The following LINGO2 variants were observed in gnomAD, a reference collection of about 807,000 sequenced individuals.
LINGO2 encodes leucine-rich repeat and immunoglobulin-like domain-containing nogo receptor-interacting protein 2.
A neutral mutation model predicts 30.6 loss-of-function variants in LINGO2; 14 were observed. That is an observed-to-expected ratio of 0.46 (90% CI 0.30 to 0.72). The LOEUF is 0.72. Ranked by LOEUF, LINGO2 falls within the 30% of genes least tolerant of loss-of-function variation. LINGO2 has a pLI of 0.07. For missense variants in LINGO2, 729 were observed against 751.7 expected, an observed-to-expected ratio of 0.97 and a Z score of 0.35; for synonymous variants, 317 against 288.5, an observed-to-expected ratio of 1.10 and a Z score of -1.00.
the LINGO2 span, among the ~76,000 whole-genome samples, chr9:29,182,042 G>A: frequency 1.3e-5 from 2 of 152,064 alleles, no homozygotes; most frequent in East Asian, 1.9e-4. Flanking sequence ...CCCTGAGTGC[G>A]CCCACCTATG....
intron 1 of LINGO2, among the ~76,000 whole-genome samples, chr9:28,657,370 C>G (rs191380984): frequency 1.4e-4 from 21 of 152,096 alleles, no homozygotes; most frequent in Admixed American, 5.3e-4. Context: ...GTGCAGTCAT[C>G]TACTCCGGGC....
intron 2 of LINGO2, among the ~76,000 whole-genome samples, chr9:28,405,748 T>C (rs1587624907): frequency 6.6e-6 from 1 of 152,178 alleles, no homozygotes; most frequent in Non-Finnish European, 1.5e-5. Context: ...TTTCCAGACA[T>C]TGGTGTCAGG....
intron 4 of LINGO2, among the ~76,000 whole-genome samples, chr9:28,031,863 A>G (rs193202061): frequency 3.4e-4 from 52 of 152,276 alleles, no homozygotes; most frequent in East Asian, 2.9e-3. Context: ...GTTGGGTAAA[A>G]CCACGCTTCA....
At chr9:28,441,994 T>G (rs368108513) in intron 2 of LINGO2, among the ~76,000 whole-genome samples, 2 of 152,164 alleles carry the variant, frequency 1.3e-5, no homozygotes, top group Non-Finnish European at 2.9e-5. Flanking sequence ...ATCTTTTTAT[T>G]ATTATATTTT....
intron 4 of LINGO2, among the ~76,000 whole-genome samples, chr9:28,132,783 A>G (rs942473356): frequency 2.4e-4 from 36 of 152,210 alleles, no homozygotes; most frequent in African/African-American, 8.0e-4. Flanking sequence ...AGAGCATTTT[A>G]TGCTCTTTCT....
At chr9:28,812,341 T>C in the LINGO2 span, among the ~76,000 whole-genome samples, 8 of 152,272 alleles carry the variant, frequency 5.3e-5, no homozygotes, top group South Asian at 1.2e-3. Flanking sequence ...TATTAATAAA[T>C]GTATCTAAAT....
chr9:29,105,635 T>G, the LINGO2 span, among the ~76,000 whole-genome samples: 1 of 152,306 alleles, frequency 6.6e-6, no homozygotes, highest in Non-Finnish European at 1.5e-5. Context: ...ACCAATCAAC[T>G]GATTTTGAGC....
chr9:28,627,430 C>A (rs1220287913), intron 1 of LINGO2, among the ~76,000 whole-genome samples: 6 of 152,016 alleles, frequency 3.9e-5, no homozygotes, highest in Admixed American at 3.9e-4. Context: ...ATCTGCTCTG[C>A]AAATTCTACC....
intron 2 of LINGO2, among the ~76,000 whole-genome samples, chr9:28,424,627 A>G (rs1823331240): frequency 6.6e-6 from 1 of 152,204 alleles, no homozygotes; most frequent in African/African-American, 2.4e-5. Context: ...ATAGTTAATT[A>G]ACATGTAAGC....
chr9:28,905,851 T>G, the LINGO2 span, among the ~76,000 whole-genome samples: 1 of 152,068 alleles, frequency 6.6e-6, no homozygotes, highest in Non-Finnish European at 1.5e-5. Context: ...AAGAGATATC[T>G]GCACGCCCAT....
At chr9:28,647,107 T>TACTG (rs1223543442) in intron 1 of LINGO2, among the ~76,000 whole-genome samples, 1 of 152,130 alleles carries the variant, frequency 6.6e-6, no homozygotes, top group East Asian at 1.9e-4. Flanking sequence ...CTGCTGCCTC[T>TACTG]ACTGCTACTG....
intron 1 of LINGO2, among the ~76,000 whole-genome samples, chr9:28,647,974 A>T (rs1827917957): frequency 6.6e-6 from 1 of 150,496 alleles, no homozygotes; most frequent in African/African-American, 2.4e-5. Context: ...GGAGACCAAG[A>T]TGTAGACACA....
intron 3 of LINGO2, among the ~76,000 whole-genome samples, chr9:28,301,377 C>CA (rs1010460423): frequency 1.2e-4 from 18 of 146,268 alleles, no homozygotes; most frequent in Admixed American, 6.1e-4. Context: ...AAAAAAAAAA[C>CA]AAAAAAAACA....
chr9:28,438,559 G>C (rs944455362), intron 2 of LINGO2, among the ~76,000 whole-genome samples: 1 of 152,080 alleles, frequency 6.6e-6, no homozygotes, highest in African/African-American at 2.4e-5. Flanking sequence ...AATGTATATT[G>C]TGGGACTTTT....
the LINGO2 span, among the ~76,000 whole-genome samples, chr9:28,740,554 T>C: frequency 2.0e-5 from 3 of 146,536 alleles, no homozygotes; most frequent in Non-Finnish European, 4.5e-5. Context: ...CCATTTTGCT[T>C]TTTTGTTTTC....
intron 4 of LINGO2, among the ~76,000 whole-genome samples, chr9:28,279,227 T>C (rs528958797): frequency 6.6e-6 from 1 of 152,292 alleles, no homozygotes; most frequent in South Asian, 2.1e-4. Context: ...CTGTGAACAT[T>C]GGTGAAATGA....
At position 28,064,351 on chromosome 9, in the gene LINGO2, C is replaced by A. The variant is rs142721177; in HGVS notation, c.-86-51946G>T. On this transcript the variant is annotated intron_variant, in intron 4 of 5. Coordinates refer to ENST00000379992, the Ensembl canonical transcript of LINGO2. ...TGCAGTAAAACAGGGCTGCTTATAG[C>A]AGGTTGGATTTCCAGAGTCACTGGC... Among the ~76,000 whole-genome samples, 674 of 152,226 alleles carry A rather than the reference C, an allele frequency of 4.4e-3. 4 individuals carry two copies. Among genetic ancestry groups the A allele is most frequent in the Admixed American group, 7.4e-3 (113 of 15,280 alleles).
chr9:28,878,199 A>C, the LINGO2 span, among the ~76,000 whole-genome samples: 1 of 152,204 alleles, frequency 6.6e-6, no homozygotes, highest in African/African-American at 2.4e-5. Context: ...ATCAGAGAAT[A>C]CTACAAACAC....
At chr9:28,808,537 C>T in the LINGO2 span, among the ~76,000 whole-genome samples, 1 of 152,090 alleles carries the variant, frequency 6.6e-6, no homozygotes, top group Non-Finnish European at 1.5e-5. Flanking sequence ...AGACACAGTC[C>T]TTATATTGTT....
Sources: allele counts gnomAD v4.1 joint callset (sites outside exome capture counted in the v4.1 genomes callset), GRCh38; gene constraint gnomAD v4.1.1; transcripts MANE v1.5; gene names NCBI Gene and HGNC (gene_info 2026-07-23, HGNC 2026-07-21).